STPG2: variants seen among roughly 807,000 people sequenced by gnomAD.
STPG2 encodes sperm tail PG-rich repeat containing 2.
In STPG2, 56 loss-of-function variants were observed where a neutral mutation model predicts 54.2. The ratio of observed to expected loss-of-function variants is 1.03; its 90% CI spans 0.83 to 1.29. The LOEUF is 1.29. Ranked by LOEUF, STPG2 falls within the 50% of genes most tolerant of loss-of-function variation. STPG2 has a pLI of 0.00. For missense variants in STPG2, 596 were observed against 544.9 expected, an observed-to-expected ratio of 1.09 and a Z score of -0.93; for synonymous variants, 200 against 181.8, an observed-to-expected ratio of 1.10 and a Z score of -0.81.
chr4:97,630,920 A>G (rs1389703927), intron 10 of STPG2, among the ~76,000 whole-genome samples: 1 of 151,928 alleles, frequency 6.6e-6, no homozygotes, highest in African/African-American at 2.4e-5. Flanking sequence ...CATTTATAAA[A>G]TGGACTATAT....
intron 4 of STPG2, among the ~76,000 whole-genome samples, chr4:97,463,015 T>G (rs1458492680): frequency 6.6e-6 from 1 of 152,164 alleles, no homozygotes; most frequent in Non-Finnish European, 1.5e-5. Context: ...TTACAATAAA[T>G]GAGCATAAAT....
chr4:98,052,774 T>C (rs2149315045), intron 5 of STPG2, among the ~76,000 whole-genome samples: 1 of 152,314 alleles, frequency 6.6e-6, no homozygotes, highest in African/African-American at 2.4e-5. Flanking sequence ...TAGTAGGCAT[T>C]GAACCAATGA....
chr4:97,559,684 T>A (rs140598969), intron 10 of STPG2, among the ~76,000 whole-genome samples: 59 of 152,336 alleles, frequency 3.9e-4, no homozygotes, highest in African/African-American at 1.4e-3. Flanking sequence ...TTGCACTGAT[T>A]ACTACAGTAT....
At chr4:97,907,221 C>T (rs941289439) in intron 8 of STPG2, among the ~76,000 whole-genome samples, 2 of 149,924 alleles carry the variant, frequency 1.3e-5, no homozygotes, top group South Asian at 2.1e-4. Flanking sequence ...TATACACCAA[C>T]AACAGACAAA....
chr4:97,711,357 G>T (rs930250662), intron 10 of STPG2, among the ~76,000 whole-genome samples: 1 of 152,086 alleles, frequency 6.6e-6, no homozygotes, highest in Non-Finnish European at 1.5e-5. Flanking sequence ...ACTTTGCCCA[G>T]TCCTAATCAG....
chr4:97,616,799 TAAC>T (rs1275273749), intron 10 of STPG2, among the ~76,000 whole-genome samples: 1 of 152,098 alleles, frequency 6.6e-6, no homozygotes, highest in Non-Finnish European at 1.5e-5. Flanking sequence ...AATTATTTCT[TAAC>T]AAAATTTAAC....
At chr4:98,000,898 T>C (rs1055720649) in intron 5 of STPG2, among the ~76,000 whole-genome samples, 1 of 152,106 alleles carries the variant, frequency 6.6e-6, no homozygotes, top group Non-Finnish European at 1.5e-5. Context: ...AAACCAAAAG[T>C]AGCTTTTCCA....
At chr4:97,812,163 G>A (rs1024212450) in intron 9 of STPG2, among the ~76,000 whole-genome samples, 1 of 151,994 alleles carries the variant, frequency 6.6e-6, no homozygotes, top group Non-Finnish European at 1.5e-5. Context: ...CCATAACATA[G>A]TGATAATTAA....
At chr4:97,662,344 G>A (rs1722398124) in intron 10 of STPG2, among the ~76,000 whole-genome samples, 1 of 152,072 alleles carries the variant, frequency 6.6e-6, no homozygotes, top group Non-Finnish European at 1.5e-5. Flanking sequence ...TCTCACATGA[G>A]TCAAAATGGC....
At chr4:97,495,044 A>C (rs1422570804) in intron 4 of STPG2, among the ~76,000 whole-genome samples, 8 of 151,566 alleles carry the variant, frequency 5.3e-5, no homozygotes, top group Non-Finnish European at 1.2e-4. Context: ...AATCTCTATA[A>C]CATAAATCTT....
At chr4:97,728,735 A>G (rs1258237813) in intron 9 of STPG2, among the ~76,000 whole-genome samples, 1 of 152,028 alleles carries the variant, frequency 6.6e-6, no homozygotes, top group Non-Finnish European at 1.5e-5. Context: ...AACCTACCTA[A>G]CCTGATCAAA....
intron 10 of STPG2, among the ~76,000 whole-genome samples, chr4:97,566,474 G>A (rs2148879810): frequency 6.6e-6 from 1 of 152,276 alleles, no homozygotes; most frequent in South Asian, 2.1e-4. Context: ...GCACTCCCTA[G>A]TGAGACGAAC....
At chr4:97,984,434 C>T (rs1027206115) in intron 5 of STPG2, among the ~76,000 whole-genome samples, 8 of 152,134 alleles carry the variant, frequency 5.3e-5, no homozygotes, top group Non-Finnish European at 5.9e-5. Flanking sequence ...CATGAACCAC[C>T]GCACCCGCCC....
At chr4:97,701,339 G>A (rs1185276776) in intron 10 of STPG2, among the ~76,000 whole-genome samples, 1 of 152,056 alleles carries the variant, frequency 6.6e-6, no homozygotes, top group Non-Finnish European at 1.5e-5. Context: ...TTAATTATCT[G>A]ACCTCCATAA....
At chr4:97,456,090 T>C (rs1578312809) in intron 4 of STPG2, among the ~76,000 whole-genome samples, 1 of 152,226 alleles carries the variant, frequency 6.6e-6, no homozygotes, top group Non-Finnish European at 1.5e-5. Context: ...GTCAAGAAAA[T>C]AAGAAGACTA....
At chr4:97,756,890 C>G (rs62318590) in intron 9 of STPG2, among the ~76,000 whole-genome samples, 4 of 152,026 alleles carry the variant, frequency 2.6e-5, no homozygotes, top group African/African-American at 9.7e-5. Flanking sequence ...ATCACTTTGA[C>G]TCCCTCTTTT....
intron 8 of STPG2, among the ~76,000 whole-genome samples, chr4:97,847,091 T>C (rs1728978817): frequency 6.6e-6 from 1 of 152,106 alleles, no homozygotes; most frequent in Non-Finnish European, 1.5e-5. Context: ...ACCAAATATA[T>C]ATGGTGAAAA....
At chr4:97,496,946 A>G (rs1730623967) in intron 4 of STPG2, among the ~76,000 whole-genome samples, 1 of 150,534 alleles carries the variant, frequency 6.6e-6, no homozygotes, top group Non-Finnish European at 1.5e-5. Context: ...TTAAAATGCT[A>G]TTAAAAATAA....
chr4:97,446,465 AC>A (rs1179305741), intron 4 of STPG2, among the ~76,000 whole-genome samples: 6 of 152,220 alleles, frequency 3.9e-5, no homozygotes, highest in African/African-American at 1.4e-4. Context: ...ATGGCAGTTA[AC>A]TTATGGATTA....
Sources: allele counts gnomAD v4.1 joint callset (sites outside exome capture counted in the v4.1 genomes callset), GRCh38; gene constraint gnomAD v4.1.1; transcripts MANE v1.5; gene names NCBI Gene and HGNC (gene_info 2026-07-23, HGNC 2026-07-21).